CASD1: variants seen among roughly 807,000 people sequenced by gnomAD.
CASD1 encodes CAS1 domain sialic acid O acetyltransferase 1.
A neutral mutation model predicts 100.0 loss-of-function variants in CASD1; 41 were observed. The observed-to-expected ratio is 0.41, with a 90% CI of 0.32 to 0.53. The LOEUF (loss-of-function observed/expected upper bound fraction) is 0.53, where lower values mean the gene tolerates loss of function less well. Among genes scored for constraint, CASD1 ranks in the 20% least tolerant of loss-of-function variants. The pLI is 0.25. For missense variants in CASD1, 774 were observed against 948.7 expected (o/e 0.82, Z 2.42); for synonymous variants, 321 against 315.6 (o/e 1.02, Z -0.18).
intron 7 of CASD1, among the ~76,000 whole-genome samples, chr7:94,534,626 G>A (rs2116321026): frequency 6.6e-6 from 1 of 152,224 alleles, no homozygotes; most frequent in Middle Eastern, 3.4e-3. Flanking sequence ...ATTATTTAAT[G>A]CCTAGCACAA....
At chr7:94,559,669 G>T (rs183141853), downstream of CASD1, among the ~76,000 whole-genome samples, 52 of 152,154 alleles carry the variant, frequency 3.4e-4, 2 homozygotes, top group East Asian at 0.01. Flanking sequence ...GGGATTACAG[G>T]TGTGCACCAC....
At chr7:94,541,549 T>G (rs970336399) in intron 10 of CASD1, among the ~76,000 whole-genome samples, 2 of 138,354 alleles carry the variant, frequency 1.4e-5, no homozygotes, top group Non-Finnish European at 3.1e-5. Context: ...TTTTTTTTTT[T>G]TTTTTTTTTT....
chr7:94,612,215 GT>G, the CASD1 span, among the ~76,000 whole-genome samples: 1 of 151,896 alleles, frequency 6.6e-6, no homozygotes, highest in Non-Finnish European at 1.5e-5. Flanking sequence ...TCCTCTCAAG[GT>G]AACATAAATG....
chr7:94,533,369 A>G lies in CASD1; in HGVS notation c.504+120A>G, dbSNP rs1358004368. On this transcript the variant is annotated intron_variant, in intron 6 of 17. Transcript: ENST00000297273. ...ACCTAAATTTTTAATTCCTACTTCTATTATGATTAGATTGATGAATTTTAA... is the reference window on the plus strand; with the variant it reads ...ACCTAAATTTTTAATTCCTACTTCTGTTATGATTAGATTGATGAATTTTAA... 9.8e-6 allele frequency: 7 copies of G among 717,386 alleles called. No homozygotes were observed. In the African/African-American group the frequency reaches 1.1e-4, roughly 11 times the overall value. The allele number at this position is 717,386 out of a possible 1,614,324, so 44.4% of individuals were successfully genotyped here. A position where few individuals can be genotyped will look rare whatever the true frequency, so the allele number is the denominator to read the frequency against.
intron 1 of CASD1, among the ~76,000 whole-genome samples, chr7:94,510,420 C>G (rs924513727): frequency 6.6e-6 from 1 of 152,084 alleles, no homozygotes; most frequent in Non-Finnish European, 1.5e-5. Context: ...CACCAAAGGA[C>G]AATGGCTGGT....
Position 94,539,018 on chromosome 7 carries a change from C to G in CASD1, c.1318C>G (p.Leu440Val), listed in dbSNP as rs1795254069. Residue 440 changes from leucine to valine, a missense_variant, in exon 10 of 18, where the codon CTT becomes GTT. By Grantham distance (32) the Leu-to-Val change is conservative. Coordinates refer to ENST00000297273, the MANE Select transcript of CASD1 (RefSeq NM_022900.5). ...QTDEWKGWMQ[L>V]VILIYHISGA... Reference sequence around the variant, plus strand: ...AGACGAATGGAAAGGCTGGATGCAACTTGTGATTTTGATTTATCACATTTC... The same window carrying G: ...AGACGAATGGAAAGGCTGGATGCAAGTTGTGATTTTGATTTATCACATTTC... 1.2e-6 allele frequency: 2 copies of G among 1,610,554 alleles called. No individual in the cohort carries two copies. Among genetic ancestry groups the G allele is most frequent in the Non-Finnish European group, 1.7e-6 (2 of 1,177,392 alleles).
In CASD1 at chr7:94,555,702, G is replaced by A. The variant is rs777684264; in HGVS notation, c.2338G>A (p.Ala780Thr). ...SLLKRLACIA[A>T]FFCGLLILSS... ...CTTGAAAAGGTTGGCATGTATAGCT[G>A]CATTTTTTTGTGGACTCCTCATCTT... Residue 780 changes from alanine (A) to threonine (T), a missense_variant, in exon 18 of 18, where the codon GCA becomes ACA. Transcript: ENST00000297273. The A allele has an allele frequency of 1.9e-5, 31 of 1,613,114 alleles. No homozygotes were observed. The highest frequency in any genetic ancestry group is 3.3e-4 in the Middle Eastern group (2 of 6,076).
At chr7:94,558,127 T>C (rs1796267776), downstream of CASD1, among the ~76,000 whole-genome samples, 1 of 152,192 alleles carries the variant, frequency 6.6e-6, no homozygotes, top group East Asian at 1.9e-4. Context: ...CTCCTTTCCT[T>C]TGCCAAAACT....
In CASD1 at chr7:94,554,645, G is replaced by C. The variant is rs769343451; in HGVS notation, c.2127+70G>C. ...CATGTTTGTGTATGTACGTGTGTGT[G>C]TGTAAATATCACACATATATGTGAG... On this transcript the variant is annotated intron_variant, in intron 17 of 17. Coordinates refer to ENST00000297273, the MANE Select transcript of CASD1 (RefSeq NM_022900.5). 403 of 933,974 alleles carry C rather than the reference G, an allele frequency of 4.3e-4. 2 individuals are homozygous for C. Among genetic ancestry groups the C allele is most frequent in the Admixed American group, 1.8e-3 (93 of 51,328 alleles). 57.9% of individuals were successfully genotyped at this position (933,974 alleles called of 1,614,324 possible). A position where few individuals can be genotyped will look rare whatever the true frequency, so the allele number is the denominator to read the frequency against.
At chr7:94,561,631 CA>C (rs1411511060), downstream of CASD1, among the ~76,000 whole-genome samples, 2 of 151,958 alleles carry the variant, frequency 1.3e-5, no homozygotes, top group African/African-American at 4.8e-5. Context: ...GAACCTCGGT[CA>C]AACTCTAGAG....
the CASD1 span, chr7:94,623,882 C>A: frequency 8.4e-6 from 3 of 356,336 alleles, no homozygotes; most frequent in East Asian, 4.1e-5. Flanking sequence ...CATAAATAAC[C>A]CTTTGGAAAT....
chr7:94,593,346 A>G, the CASD1 span, among the ~76,000 whole-genome samples: 1 of 151,994 alleles, frequency 6.6e-6, no homozygotes, highest in South Asian at 2.1e-4. Flanking sequence ...TGTGTGGAGT[A>G]CTATTCCCCA....
Position 94,510,099 on chromosome 7 carries a change from C to T in CASD1, c.15C>T (p.Ala5=). The change falls in exon 1 of 18, where the codon GCC becomes GCT. Residue 5 remains alanine (A), a synonymous_variant. Transcript: ENST00000297273. MAAL[A]YNLGKREINH... ...GAGGAACCAAGATGGCGGCTCTGGCCTACAACCTGGGCAAGCGGGAGATCA... is the reference window on the plus strand; with the variant it reads ...GAGGAACCAAGATGGCGGCTCTGGCTTACAACCTGGGCAAGCGGGAGATCA... 6.5e-7 allele frequency: 1 copy of T among 1,527,764 alleles called. No individual in the cohort carries two copies. Among genetic ancestry groups the T allele is most frequent in the Non-Finnish European group, 8.8e-7 (1 of 1,135,964 alleles). The allele number at this position is 1,527,764 out of a possible 1,614,324, so 94.6% of individuals were successfully genotyped here.
chr7:94,571,465 A>C, the CASD1 span, among the ~76,000 whole-genome samples: 8 of 152,180 alleles, frequency 5.3e-5, no homozygotes, highest in Middle Eastern at 3.4e-3. Flanking sequence ...GATCCAGAAA[A>C]CCTAAACTGC....
the CASD1 span, among the ~76,000 whole-genome samples, chr7:94,586,010 T>C: frequency 6.9e-6 from 1 of 144,756 alleles, no homozygotes; most frequent in African/African-American, 2.6e-5. Flanking sequence ...CAGCAGCTAG[T>C]TCATTTCTTA....
chr7:94,603,152 T>C, the CASD1 span: 4 of 657,748 alleles, frequency 6.1e-6, no homozygotes, highest in African/African-American at 5.5e-5. Flanking sequence ...GCTTACCAGA[T>C]CCTTAATCTC....
the CASD1 span, among the ~76,000 whole-genome samples, chr7:94,596,411 T>C: frequency 6.6e-6 from 1 of 152,118 alleles, no homozygotes; most frequent in African/African-American, 2.4e-5. Context: ...TACAAACATA[T>C]TCAAGTTCCC....
chr7:94,524,714 G>A (rs1304735593), intron 3 of CASD1, among the ~76,000 whole-genome samples: 4 of 152,020 alleles, frequency 2.6e-5, no homozygotes, highest in African/African-American at 9.7e-5. Context: ...AGATAGTAAC[G>A]TATTTTATCA....
At chr7:94,603,966 GT>G in the CASD1 span, among the ~76,000 whole-genome samples, 24 of 152,176 alleles carry the variant, frequency 1.6e-4, no homozygotes, top group South Asian at 5.0e-3. Context: ...AGTTCTGTTA[GT>G]TTTTCTACTA....
Sources: gnomAD v4.1 joint callset for allele counts (sites outside exome capture counted in the v4.1 genomes callset) on GRCh38, gnomAD v4.1.1 for gene constraint, MANE v1.5 for transcripts, NCBI Gene and HGNC (gene_info 2026-07-23, HGNC 2026-07-21) for gene names.